Variants in CDC42EP1 observed in about 807,000 individuals in gnomAD.
CDC42EP1 encodes CDC42 effector protein 1, also known as 55 kDa bone marrow stromal/endothelial cell protein.
Under a neutral mutation model 7.4 loss-of-function variants are expected in CDC42EP1, and 6 were observed. The ratio of observed to expected loss-of-function variants is 0.81; its 90% CI spans 0.44 to 1.60. The LOEUF (loss-of-function observed/expected upper bound fraction) is 1.60. Among genes scored for constraint, CDC42EP1 ranks in the 40% most tolerant of loss-of-function variants. The pLI, the probability that CDC42EP1 is intolerant of heterozygous loss-of-function variation, is 0.01. For missense variants in CDC42EP1, 567 were observed against 539.0 expected, an observed-to-expected ratio of 1.05 and a Z score of -0.51; for synonymous variants, 238 against 227.1, an observed-to-expected ratio of 1.05 and a Z score of -0.43.
Position 37,568,739 on chromosome 22 carries a change from C to G in CDC42EP1, c.1095C>G (p.Ser365Arg). The G allele has an allele frequency of 6.6e-7, 1 of 1,523,242 alleles. No homozygotes were observed. Among genetic ancestry groups the G allele is most frequent in the Non-Finnish European group, 8.8e-7 (1 of 1,136,930 alleles). The allele number at this position is 1,523,242 out of a possible 1,614,324, so 94.4% of individuals were successfully genotyped here. The change falls in exon 3 of 3, where the codon AGC becomes AGG. Residue 365 changes from serine (S) to arginine (R), a missense_variant. Physicochemically the swap from Ser to Arg is moderately radical, Grantham distance 110 (BLOSUM62 -1). Transcript: ENST00000249014. ...AGTGGAGGGCGCCCCAGGCAGGCAG[C>G]AGGACCCCAGTGCCCAGCACAGTGC... ...DEEWRAPQAG[S>R]RTPVPSTVQA...
At chr22:37,563,967 A>T (rs1925135442) in intron 1 of CDC42EP1, among the ~76,000 whole-genome samples, 2 of 152,320 alleles carry the variant, frequency 1.3e-5, no homozygotes, top group South Asian at 4.1e-4. Context: ...GAAAGGCAGG[A>T]AAATCCAGGC....
In CDC42EP1 at chr22:37,562,432, G is replaced by A. The variant is rs570695956; in HGVS notation, c.-279+1844G>A. ...CAGCAAGTGCCACGTGGCTGCCACC[G>A]GGGTCCCTGGAATGAGAGATGTTAG... On this transcript the variant is annotated intron_variant, in intron 1 of 2. Coordinates refer to ENST00000249014, the MANE Select transcript of CDC42EP1 (RefSeq NM_152243.3). Among the ~76,000 whole-genome samples the A allele has an allele frequency of 2.4e-4, 37 of 152,322 alleles. No individual in the cohort carries two copies. The South Asian group carries it at 4.8e-3, about 20-fold the overall frequency.
chr22:37,560,788 C>T (rs1437908691), intron 1 of CDC42EP1, among the ~76,000 whole-genome samples, 200 bp downstream of exon 1: 1 of 151,936 alleles, frequency 6.6e-6, no homozygotes, highest in African/African-American at 2.4e-5. Context: ...AGCTTTCGGG[C>T]TTCGTGTCCC....
intron 1 of CDC42EP1, among the ~76,000 whole-genome samples, chr22:37,563,452 C>T (rs1925117937): frequency 6.6e-6 from 1 of 152,046 alleles, no homozygotes; most frequent in African/African-American, 2.4e-5. Flanking sequence ...GAGGACTTCT[C>T]GGTGCCGGGG....
In CDC42EP1 at chr22:37,566,095, T is replaced by G; in HGVS notation, c.-255T>G. The G allele has an allele frequency of 2.6e-6, 1 of 380,514 alleles. No individual in the cohort carries two copies. Among genetic ancestry groups the G allele is most frequent in the Non-Finnish European group, 4.7e-6 (1 of 213,684 alleles). 23.6% of individuals were successfully genotyped at this position (380,514 alleles called of 1,614,324 possible). ...AGGTCTCCACCTCTGGGCAGGAGAGTTGCCGACCACCTCGGGGGTGCTTTC... is the reference window on the plus strand; with the variant it reads ...AGGTCTCCACCTCTGGGCAGGAGAGGTGCCGACCACCTCGGGGGTGCTTTC... On this transcript the variant is annotated 5_prime_UTR_variant, in exon 2 of 3. Transcript: ENST00000249014. The surrounding 1 kb of genome is among the most constrained non-coding windows in gnomAD (Gnocchi z 6.4).
At chr22:37,567,588 C>G (rs1014066707) in intron 2 of CDC42EP1, among the ~76,000 whole-genome samples, 3 of 152,198 alleles carry the variant, frequency 2.0e-5, no homozygotes, top group South Asian at 2.1e-4. Flanking sequence ...AAACCCGATT[C>G]TGTCTCAGGT....
At chr22:37,564,128 G>C (rs1279796917) in intron 1 of CDC42EP1, among the ~76,000 whole-genome samples, 1 of 152,104 alleles carries the variant, frequency 6.6e-6, no homozygotes, top group Admixed American at 6.6e-5. Flanking sequence ...CCCTCAGTGG[G>C]CCACAGGAAA....
In CDC42EP1 at chr22:37,566,531, C is replaced by T. The variant is rs756627353; in HGVS notation, c.182C>T (p.Thr61Met). ...CGTGGCGGGGATGTCTTCGGGGACA[C>T]GTCCTTCCTCAGCAACCACGGTGGC... The part of the protein sequence containing the change: ...VGRGGDVFGD[T>M]SFLSNHGGSS... Residue 61 changes from threonine to methionine, a missense_variant, in exon 2 of 3, where the codon ACG becomes ATG. Coordinates refer to ENST00000249014, the MANE Select transcript of CDC42EP1 (RefSeq NM_152243.3). This position sits in a 1 kb window ranked among gnomAD's most constrained non-coding sequence, Gnocchi z 6.4. The T allele has an allele frequency of 2.0e-5, 33 of 1,610,602 alleles. No individual in the cohort carries two copies. The highest frequency in any genetic ancestry group is 4.4e-5 in the South Asian group (4 of 90,818).
chr22:37,560,571 C>G lies in CDC42EP1; in HGVS notation c.-296C>G, dbSNP rs955441406. ...CGAGTCCGCCCTCGTCCCGCGCCCC[C>G]GGGGCTCGCGGAGCCAGGTAACAGC... On this transcript the variant is annotated 5_prime_UTR_variant, in exon 1 of 3. Coordinates refer to ENST00000249014, the MANE Select transcript of CDC42EP1 (RefSeq NM_152243.3). 4.0e-5 allele frequency: 6 copies of G among 150,256 alleles called. No homozygotes were observed. Among genetic ancestry groups the G allele is most frequent in the Non-Finnish European group, 6.0e-5 (4 of 67,160 alleles). The allele number at this position is 150,256 out of a possible 1,614,324, so 9.3% of individuals were successfully genotyped here. A position where few individuals can be genotyped will look rare whatever the true frequency, so the allele number is the denominator to read the frequency against.
rs781374875 is a variant in CDC42EP1, at chr22:37,566,671, G to T, written c.322G>T (p.Ala108Ser). The change falls in exon 2 of 3, where the codon GCT becomes TCT. Residue 108 changes from alanine to serine, a missense_variant. Coordinates refer to ENST00000249014, the MANE Select transcript of CDC42EP1 (RefSeq NM_152243.3). The surrounding 1 kb of genome is among the most constrained non-coding windows in gnomAD (Gnocchi z 6.4). Reference sequence around the variant, plus strand: ...GGCATCTCCCCCTGCACCCTCCCCGGCTCCACCGGCCATCTCCCCCATCAT... The same window carrying T: ...GGCATCTCCCCCTGCACCCTCCCCGTCTCCACCGGCCATCTCCCCCATCAT... ...RMASPPAPSP[A>S]PPAISPIIKN... The T allele has an allele frequency of 6.8e-6, 11 of 1,608,258 alleles. No individual in the cohort carries two copies. In the East Asian group the frequency reaches 2.3e-4, roughly 33 times the overall value.
At chr22:37,565,743 C>T (rs2145810558) in intron 1 of CDC42EP1, 1 of 151,890 alleles carries the variant, frequency 6.6e-6, no homozygotes, top group Admixed American at 6.6e-5. Flanking sequence ...CCACGTCCGG[C>T]TAAGTTTTGT....
chr22:37,561,860 G>T (rs1925052342), intron 1 of CDC42EP1, among the ~76,000 whole-genome samples: 1 of 152,120 alleles, frequency 6.6e-6, no homozygotes, highest in Admixed American at 6.6e-5. Context: ...CTTCAGACCC[G>T]CCCTTGGCCT....
chr22:37,568,466 A>C lies in CDC42EP1; in HGVS notation c.822A>C (p.Pro274=), dbSNP rs763550797. The C allele has an allele frequency of 1.9e-6, 3 of 1,601,872 alleles. No individual in the cohort carries two copies. The highest frequency in any genetic ancestry group is 2.7e-5 in the African/African-American group (2 of 74,230). The change falls in exon 3 of 3, where the codon CCA becomes CCC. Residue 274 remains proline, a synonymous_variant. Coordinates refer to ENST00000249014, the MANE Select transcript of CDC42EP1 (RefSeq NM_152243.3). ...ATPTGPAANP[P]APAASSTPHG... ...CCACGGGTCCTGCTGCAAATCCCCC[A>C]GCCCCTGCCGCAAGCTCCACACCCC... is the stretch of plus-strand genomic sequence containing the variant.
In CDC42EP1 at chr22:37,568,091, G is replaced by A. The variant is rs73418181; in HGVS notation, c.464-17G>A. 7 of 1,596,752 alleles carry A rather than the reference G, an allele frequency of 4.4e-6. No homozygotes were observed. Among genetic ancestry groups the A allele is most frequent in the Non-Finnish European group, 6.0e-6 (7 of 1,169,050 alleles). On this transcript the variant is annotated splice_polypyrimidine_tract_variant and intron_variant, in intron 2 of 2. Coordinates refer to ENST00000249014, the MANE Select transcript of CDC42EP1 (RefSeq NM_152243.3). ...GAGGGACCCCAGCTCTGAGCCCACT[G>A]CCCATTTCTCTTCTAGGCCTGGACT...
At chr22:37,562,182 C>A (rs1925066634) in intron 1 of CDC42EP1, among the ~76,000 whole-genome samples, 1 of 152,238 alleles carries the variant, frequency 6.6e-6, no homozygotes, top group South Asian at 2.1e-4. Flanking sequence ...ATCGTCTTCA[C>A]CCCCACCCTG....
intron 1 of CDC42EP1, among the ~76,000 whole-genome samples, chr22:37,562,291 G>A (rs888463840): frequency 1.3e-5 from 2 of 152,200 alleles, no homozygotes; most frequent in East Asian, 1.9e-4. Flanking sequence ...GAACACTAAC[G>A]GGCGGTGTTC....
chr22:37,568,311 G>A lies in CDC42EP1; in HGVS notation c.667G>A (p.Glu223Lys). The A allele has an allele frequency of 1.9e-6, 3 of 1,612,562 alleles. No homozygotes were observed. Among genetic ancestry groups the A allele is most frequent in the Admixed American group, 1.7e-5 (1 of 59,976 alleles). ...GAGCCTCCCAGAAGCCCCTGCAGCT[G>A]AGACTCCAGCCCCCGCTGCAAACCC... is the stretch of plus-strand genomic sequence containing the variant. The part of the protein sequence containing the change: ...VMSLPEAPAA[E>K]TPAPAANPPA... Residue 223 changes from glutamate (E) to lysine (K), a missense_variant, in exon 3 of 3, where the codon GAG (glutamate) becomes AAG (lysine). By Grantham distance (56) the Glu-to-Lys change is moderately conservative. Transcript: ENST00000249014.
intron 1 of CDC42EP1, among the ~76,000 whole-genome samples, chr22:37,561,126 C>A (rs977428538): frequency 2.0e-5 from 3 of 152,168 alleles, no homozygotes; most frequent in African/African-American, 7.2e-5. Context: ...TCGTCCCCTT[C>A]CCCCGCGGAG....
chr22:37,568,358 C>A lies in CDC42EP1; in HGVS notation c.714C>A (p.Pro238=), dbSNP rs757748503. The A allele has an allele frequency of 1.9e-6, 3 of 1,567,614 alleles. No individual in the cohort carries two copies. In the African/African-American group the frequency reaches 4.1e-5, roughly 21 times the overall value. ...AANPPAPTAN[P]TGPAANPPAT... The stretch of plus-strand genomic sequence containing the variant: ...ACCCCCCAGCCCCTACTGCAAACCC[C>A]ACGGGTCCTGCTGCAAACCCCCCAG... Residue 238 remains proline (P), a synonymous_variant, in exon 3 of 3, where the codon CCC becomes CCA. Transcript: ENST00000249014.
Sources: allele counts gnomAD v4.1 joint callset (sites outside exome capture counted in the v4.1 genomes callset), GRCh38; gene constraint gnomAD v4.1.1; non-coding constraint Gnocchi (gnomAD v3.1); transcripts MANE v1.5; gene names NCBI Gene and HGNC (gene_info 2026-07-23, HGNC 2026-07-21).